The following NEBL variants were observed in gnomAD, a reference collection of about 807,000 sequenced individuals.
NEBL encodes the protein nebulette.
A neutral mutation model predicts 140.2 loss-of-function variants in NEBL; 122 were observed. That is an observed-to-expected ratio of 0.87 (90% CI 0.75 to 1.01). The LOEUF is 1.01. Among genes scored for constraint, NEBL ranks in the 50% least tolerant of loss-of-function variants. NEBL has a pLI of 0.00. For missense variants in NEBL, 1,365 were observed against 1,231.3 expected, an observed-to-expected ratio of 1.11 and a Z score of -1.62; for synonymous variants, 436 against 398.9, an observed-to-expected ratio of 1.09 and a Z score of -1.11.
intron 1 of NEBL, among the ~76,000 whole-genome samples, chr10:21,272,303 C>T (rs755512369): frequency 2.6e-5 from 4 of 151,724 alleles, no homozygotes; most frequent in Non-Finnish European, 5.9e-5. Flanking sequence ...TAAACAAATA[C>T]ACCTGCTGTA....
rs1011435516 is a variant in NEBL at position 20,897,265 on chromosome 10, C to T, written c.-60G>A. 6.6e-7 allele frequency: 1 copy of T among 1,524,368 alleles called. No homozygotes were observed. The highest frequency in any genetic ancestry group is 8.8e-7 in the Non-Finnish European group (1 of 1,142,372). The allele number at this position is 1,524,368 out of a possible 1,614,324, so 94.4% of individuals were successfully genotyped here. On this transcript the variant is annotated 5_prime_UTR_variant, in exon 1 of 28. Transcript: ENST00000377122. ...TACTCATGTGGCGTCCTTTTCCATA[C>T]CACAGTGCCCTTGAGATGCTGACGT...
At chr10:20,974,150 G>C (rs540437581) in intron 3 of NEBL, among the ~76,000 whole-genome samples, 1 of 152,228 alleles carries the variant, frequency 6.6e-6, no homozygotes, top group African/African-American at 2.4e-5. Flanking sequence ...TTCAAACCCA[G>C]ATCTGCTGTC....
intron 2 of NEBL, among the ~76,000 whole-genome samples, chr10:21,082,370 T>C (rs1410211344): frequency 6.6e-6 from 1 of 152,064 alleles, no homozygotes; most frequent in Non-Finnish European, 1.5e-5. Flanking sequence ...GGTTAGAATG[T>C]GGTTATGTAA....
intron 3 of NEBL, among the ~76,000 whole-genome samples, chr10:21,194,929 G>GA: frequency 6.6e-6 from 1 of 151,900 alleles, no homozygotes; most frequent in Non-Finnish European, 1.5e-5. Context: ...TAGATCAAGG[G>GA]AAAAATGGGT....
In NEBL at chr10:20,850,414, G is replaced by A. The variant is rs778079894; in HGVS notation, c.1097C>T (p.Ala366Val). ...ETPSYQASKEAQKMQSEKVYK... is the reference protein window; with the variant it reads ...ETPSYQASKEVQKMQSEKVYK... Reference sequence around the variant, plus strand: ...ACCTACTTCACTTTGCATCTTTTGAGCCTCCTTTGAAGCTTGATATGATGG... The same window carrying A: ...ACCTACTTCACTTTGCATCTTTTGAACCTCCTTTGAAGCTTGATATGATGG... Residue 366 changes from alanine (A) to valine (V), a missense_variant, in exon 11 of 28, where the codon GCT becomes GTT. By Grantham distance (64) the Ala-to-Val change is moderately conservative. Around this residue, in one of 2 missense-constraint regions of NEBL, gnomAD observed 1,323 missense variants for 1,154.8 expected, o/e 1.15. Coordinates refer to ENST00000377122, the MANE Select transcript of NEBL (RefSeq NM_006393.3). 4 of 1,607,340 alleles carry A rather than the reference G, an allele frequency of 2.5e-6. No homozygotes were observed. The East Asian group carries it at 6.7e-5, about 27-fold the overall frequency.
chr10:20,888,013 A>G (rs946610531), intron 4 of NEBL, 84 bp downstream of exon 4: 2 of 976,202 alleles, frequency 2.0e-6, no homozygotes, highest in African/African-American at 3.2e-5. Flanking sequence ...CCATGATGAA[A>G]ACGTTTTATT....
At chr10:20,930,084 C>A (rs1834110586) in intron 4 of NEBL, among the ~76,000 whole-genome samples, 1 of 152,072 alleles carries the variant, frequency 6.6e-6, no homozygotes, top group Non-Finnish European at 1.5e-5. Flanking sequence ...TCTGCCTTCT[C>A]CCCTGAGTTT....
At chr10:20,918,617 G>A (rs192978800) in intron 4 of NEBL, among the ~76,000 whole-genome samples, 27 of 152,116 alleles carry the variant, frequency 1.8e-4, no homozygotes, top group African/African-American at 5.1e-4. Context: ...TTGGGAGGCC[G>A]ACGGGGGCAG....
chr10:21,243,178 T>C (rs1842463183), intron 3 of NEBL, among the ~76,000 whole-genome samples: 2 of 152,052 alleles, frequency 1.3e-5, no homozygotes, highest in Admixed American at 1.3e-4. Context: ...CTGAGTGAGA[T>C]TAAAATCATG....
chr10:20,835,599 A>C lies in NEBL; in HGVS notation c.1363T>G (p.Ser455Ala), dbSNP rs1316429393. Residue 455 changes from serine (S) to alanine (A), a missense_variant, in exon 14 of 28, where the codon TCA (serine) becomes GCA (alanine). Physicochemically the swap from Ser to Ala is moderately conservative, Grantham distance 99. Transcript: ENST00000377122. ...SEKEYKKDLESIIKGKGMQAG... is the reference protein window; with the variant it reads ...SEKEYKKDLEAIIKGKGMQAG... ...TGCATTCCTTTCCCTTTAATTATTGACTCCAGGTCTTTCTTGTATTCTTTC... is the reference window on the plus strand; with the variant it reads ...TGCATTCCTTTCCCTTTAATTATTGCCTCCAGGTCTTTCTTGTATTCTTTC... The C allele has an allele frequency of 6.2e-7, 1 of 1,610,608 alleles. No individual in the cohort carries two copies. The highest frequency in any genetic ancestry group is 1.1e-5 in the South Asian group (1 of 91,032).
intron 3 of NEBL, among the ~76,000 whole-genome samples, chr10:21,003,473 C>T (rs1301295164): frequency 6.6e-6 from 1 of 152,142 alleles, no homozygotes; most frequent in Non-Finnish European, 1.5e-5. Flanking sequence ...GTTATGAAGC[C>T]ATGTCAAAAC....
rs149300648 is a variant in NEBL, at chr10:21,060,325, AG to A, written c.165-40125del. 6.7e-3 allele frequency among the ~76,000 whole-genome samples: 1,027 copies of A among 152,216 alleles called. 12 individuals carry two copies. Among genetic ancestry groups the A allele is most frequent in the African/African-American group, 0.024 (984 of 41,520 alleles). ...GCAGTATCAACATTCAAAACAAAAG[AG>A]GGGGTTTCATTTTCAGCTAATGGGG... On this transcript the variant is annotated intron_variant, in intron 2 of 6. Transcript: ENST00000417816.
chr10:21,141,885 G>T (rs1209173046), intron 2 of NEBL, among the ~76,000 whole-genome samples: 1 of 152,138 alleles, frequency 6.6e-6, no homozygotes, highest in Non-Finnish European at 1.5e-5. Flanking sequence ...TAGGGTGCCT[G>T]AGGTCCAGGA....
intron 2 of NEBL, among the ~76,000 whole-genome samples, chr10:21,117,232 G>A (rs1838326964): frequency 6.6e-6 from 1 of 151,648 alleles, no homozygotes; most frequent in South Asian, 2.1e-4. Flanking sequence ...TTCTACTCTG[G>A]GTGATAGGGG....
intron 1 of NEBL, among the ~76,000 whole-genome samples, chr10:21,290,357 C>T (rs1348390675): frequency 6.6e-6 from 1 of 152,180 alleles, no homozygotes. Context: ...TAGAAGCTAC[C>T]TCAGAATCAA....
intron 4 of NEBL, among the ~76,000 whole-genome samples, chr10:20,954,653 T>G (rs1343479587): frequency 6.6e-6 from 1 of 152,166 alleles, no homozygotes; most frequent in Non-Finnish European, 1.5e-5. Context: ...CTAGAGAGCT[T>G]CCTGCCTCAT....
intron 2 of NEBL, among the ~76,000 whole-genome samples, chr10:21,142,691 G>A (rs992205647): frequency 6.6e-6 from 1 of 152,128 alleles, no homozygotes; most frequent in Non-Finnish European, 1.5e-5. Flanking sequence ...GGCGGCAGAC[G>A]GTATGGCGAG....
intron 2 of NEBL, among the ~76,000 whole-genome samples, chr10:21,114,328 G>T (rs144305061): frequency 3.3e-5 from 5 of 152,116 alleles, no homozygotes; most frequent in African/African-American, 9.6e-5. Context: ...ATTAAGATTT[G>T]TTTTATGGCC....
At chr10:21,284,650 A>G (rs537244467) in intron 1 of NEBL, among the ~76,000 whole-genome samples, 2 of 152,310 alleles carry the variant, frequency 1.3e-5, no homozygotes, top group South Asian at 4.1e-4. Context: ...TGCAAATTTT[A>G]TTGTATTTCA....
Sources: allele counts gnomAD v4.1 joint callset (sites outside exome capture counted in the v4.1 genomes callset), GRCh38; gene constraint gnomAD v4.1.1; regional missense constraint gnomAD v4.1.1; transcripts MANE v1.5; gene names NCBI Gene and HGNC (gene_info 2026-07-23, HGNC 2026-07-21).